The following RNF212B variants were observed in gnomAD, a reference collection of about 807,000 sequenced individuals.
RNF212B encodes E3 ubiquitin-protein ligase RNF212B.
In RNF212B, 52 loss-of-function variants were observed where a neutral mutation model predicts 55.5. The observed-to-expected ratio is 0.94, with a 90% CI of 0.75 to 1.18. The LOEUF is 1.18. RNF212B is among the 50% of genes most tolerant of loss of function. The pLI, the probability that RNF212B is intolerant of heterozygous loss-of-function variation, is 0.00. For missense variants in RNF212B, 289 were observed against 350.4 expected, an observed-to-expected ratio of 0.82 and a Z score of 1.40; for synonymous variants, 99 against 121.4, an observed-to-expected ratio of 0.82 and a Z score of 1.21.
chr14:23,230,793 T>C (rs947831445), intron 2 of RNF212B, among the ~76,000 whole-genome samples: 1 of 152,142 alleles, frequency 6.6e-6, no homozygotes, highest in Admixed American at 6.5e-5. Flanking sequence ...TTAATTTTTG[T>C]ATATGGTGTA....
In RNF212B at chr14:23,204,463, C is replaced by T. The variant is rs181901837; in HGVS notation, c.-2+11062C>T. ...ACCTGTGGCTAGCCAATTATCCCAG[C>T]GCCATTTATTAAAAAGTGTCCTTTC... On this transcript the variant is annotated intron_variant, in intron 2 of 15. Transcript: ENST00000399910. Among the ~76,000 whole-genome samples, 46 of 152,228 alleles carry T rather than the reference C, an allele frequency of 3.0e-4. 1 individual carries two copies. Among genetic ancestry groups the T allele is most frequent in the Middle Eastern group, 3.4e-3 (1 of 294 alleles).
chr14:23,202,589 C>T (rs551203185), intron 2 of RNF212B, among the ~76,000 whole-genome samples: 5 of 152,238 alleles, frequency 3.3e-5, no homozygotes, highest in East Asian at 1.9e-4. Flanking sequence ...TGATGGCTCA[C>T]GCCTGTAATC....
chr14:23,221,815 A>G (rs1881599486), intron 2 of RNF212B, among the ~76,000 whole-genome samples: 1 of 152,222 alleles, frequency 6.6e-6, no homozygotes, highest in Non-Finnish European at 1.5e-5. Context: ...GAATAAAACT[A>G]AAAATCAATA....
At chr14:23,258,691 A>G (rs1266664911) in intron 5 of RNF212B, 27 bp downstream of exon 5, 4 of 867,894 alleles carry the variant, frequency 4.6e-6, no homozygotes, top group Admixed American at 3.5e-5. Flanking sequence ...GTCCCAAGAG[A>G]GCTTTTTTTT....
At chr14:23,256,510 T>TAG (rs779905561) in intron 4 of RNF212B, among the ~76,000 whole-genome samples, 13 of 152,066 alleles carry the variant, frequency 8.5e-5, no homozygotes, top group Non-Finnish European at 1.6e-4. Flanking sequence ...TAGCTGGAAT[T>TAG]ACAGGTGCAC....
intron 4 of RNF212B, among the ~76,000 whole-genome samples, chr14:23,257,467 C>T (rs1884932083): frequency 6.6e-6 from 1 of 152,056 alleles, no homozygotes; most frequent in Non-Finnish European, 1.5e-5. Context: ...CTCTTAAGTA[C>T]AATTCTTTAG....
At chr14:23,222,641 T>A (rs948689610) in intron 2 of RNF212B, among the ~76,000 whole-genome samples, 1 of 152,164 alleles carries the variant, frequency 6.6e-6, no homozygotes, top group African/African-American at 2.4e-5. Flanking sequence ...ATGAGGCCAG[T>A]ATTTCCCCTA....
upstream of RNF212B, among the ~76,000 whole-genome samples, chr14:23,237,613 A>C (rs910324202): frequency 5.9e-5 from 9 of 152,202 alleles, no homozygotes; most frequent in African/African-American, 2.2e-4. Context: ...CGCCCACTTT[A>C]TGACCACAAT....
Position 23,258,610 on chromosome 14 carries a change from C to T in RNF212B, c.290C>T (p.Thr97Ile). The T allele has an allele frequency of 6.5e-7, 1 of 1,533,446 alleles. No individual in the cohort carries two copies. Among genetic ancestry groups the T allele is most frequent in the South Asian group, 1.2e-5 (1 of 82,790 alleles). 95.0% of individuals were successfully genotyped at this position (1,533,446 alleles called of 1,614,324 possible). The change falls in exon 5 of 15, where the codon ACA becomes ATA. Residue 97 changes from threonine to isoleucine, a missense_variant. Coordinates refer to ENST00000430154, the MANE Select transcript of RNF212B (RefSeq NM_001282322.3). ...ATCGCCTTTTATAAGCATAGAATTA[C>T]AAAGTTAGAAACAGCCATGCAGGAG... ...LLIAFYKHRI[T>I]KLETAMQEAQ... is the part of the protein sequence containing the mutation.
chr14:23,202,467 G>C (rs1879396270), intron 2 of RNF212B, among the ~76,000 whole-genome samples: 1 of 152,128 alleles, frequency 6.6e-6, no homozygotes, highest in Admixed American at 6.6e-5. Flanking sequence ...TTGAGGAGTT[G>C]AATAGCTTTA....
chr14:23,232,564 C>T (rs935308522), intron 2 of RNF212B, among the ~76,000 whole-genome samples: 9 of 151,374 alleles, frequency 5.9e-5, no homozygotes, highest in Admixed American at 2.6e-4. Flanking sequence ...GGTCAGCCCC[C>T]GCCCAGCAGC....
chr14:23,251,179 T>C (rs1002593212), intron 4 of RNF212B, among the ~76,000 whole-genome samples: 1 of 152,230 alleles, frequency 6.6e-6, no homozygotes, highest in Non-Finnish European at 1.5e-5. Flanking sequence ...ATTTGCACTA[T>C]ATATTTTCTG....
chr14:23,225,873 G>C (rs747806739), intron 2 of RNF212B, among the ~76,000 whole-genome samples: 44 of 152,156 alleles, frequency 2.9e-4, no homozygotes, highest in Non-Finnish European at 3.2e-4. Flanking sequence ...ATAAAAGCAC[G>C]AGGGGATCGA....
intron 2 of RNF212B, among the ~76,000 whole-genome samples, chr14:23,226,028 G>C (rs35886483): frequency 6.6e-6 from 1 of 151,858 alleles, no homozygotes; most frequent in African/African-American, 2.4e-5. Flanking sequence ...GGCTGGGCGC[G>C]GTGGCTCACG....
chr14:23,255,047 G>A (rs1022053626), intron 4 of RNF212B, among the ~76,000 whole-genome samples: 3 of 138,234 alleles, frequency 2.2e-5, no homozygotes, highest in African/African-American at 3.2e-5. Context: ...AAGAAATCAG[G>A]AGAGAGAGAG....
chr14:23,202,833 G>C (rs1339676760), intron 2 of RNF212B, among the ~76,000 whole-genome samples: 2 of 145,784 alleles, frequency 1.4e-5, no homozygotes, highest in Non-Finnish European at 3.0e-5. Context: ...CTGGGCGACA[G>C]AGCGAGACCC....
At chr14:23,229,917 G>T (rs190793148) in intron 2 of RNF212B, 15 of 182,766 alleles carry the variant, frequency 8.2e-5, no homozygotes, top group Admixed American at 3.0e-4. Context: ...ATGGTTATGA[G>T]CTTGATACTG....
At chr14:23,187,483 G>C (rs1334040618) in intron 1 of RNF212B, among the ~76,000 whole-genome samples, 4 of 152,092 alleles carry the variant, frequency 2.6e-5, no homozygotes, top group African/African-American at 9.7e-5. Context: ...CGAGTAGCTG[G>C]GACTACAGAT....
chr14:23,218,457 C>T (rs907893253), intron 2 of RNF212B, among the ~76,000 whole-genome samples: 1 of 150,778 alleles, frequency 6.6e-6, no homozygotes, highest in Admixed American at 6.6e-5. Context: ...ATTGATCAAG[C>T]AGAAGAAAGA....
Sources: allele counts gnomAD v4.1 joint callset (sites outside exome capture counted in the v4.1 genomes callset), GRCh38; gene constraint gnomAD v4.1.1; transcripts MANE v1.5; gene names NCBI Gene and HGNC (gene_info 2026-07-23, HGNC 2026-07-21).